Variants in ERGIC1 observed in about 807,000 individuals in gnomAD.
ERGIC1 encodes endoplasmic reticulum-golgi intermediate compartment 1.
ERGIC1 carries 19 observed loss-of-function variants against 38.3 expected under a neutral mutation model. That is an observed-to-expected ratio of 0.50 (90% CI 0.35 to 0.73). ERGIC1 has a LOEUF of 0.73. ERGIC1 is among the 30% of genes least tolerant of loss of function. ERGIC1 has a pLI of 0.01. For missense variants in ERGIC1, 294 were observed against 389.2 expected (o/e 0.76, Z 2.06); for synonymous variants, 124 against 157.6 (o/e 0.79, Z 1.60).
chr5:172,891,270 GTAGTTTA>G (rs1762551414), intron 2 of ERGIC1, among the ~76,000 whole-genome samples: 1 of 152,090 alleles, frequency 6.6e-6, no homozygotes, highest in African/African-American at 2.4e-5. Context: ...AAGAGCCTTG[GTAGTTTA>G]TGAACCTGAT....
At chr5:172,913,731 C>T (rs1453952420) in intron 4 of ERGIC1, among the ~76,000 whole-genome samples, 5 of 152,226 alleles carry the variant, frequency 3.3e-5, no homozygotes, top group Non-Finnish European at 5.9e-5. Context: ...ATGCAGTTGG[C>T]ATTGGCCTGC....
chr5:172,931,633 A>G (rs183275525), intron 7 of ERGIC1, among the ~76,000 whole-genome samples: 146 of 152,336 alleles, frequency 9.6e-4, no homozygotes, highest in African/African-American at 3.3e-3. Flanking sequence ...TATTCAGACA[A>G]TGTCAGAGGA....
intron 9 of ERGIC1, among the ~76,000 whole-genome samples, chr5:172,941,139 T>G (rs560617052): frequency 6.6e-6 from 1 of 152,078 alleles, no homozygotes; most frequent in African/African-American, 2.4e-5. Flanking sequence ...AATAGCCAGG[T>G]AGCACGCCTG....
At chr5:172,856,279 T>TA (rs1256330526) in intron 1 of ERGIC1, among the ~76,000 whole-genome samples, 1 of 152,204 alleles carries the variant, frequency 6.6e-6, no homozygotes, top group African/African-American at 2.4e-5. Flanking sequence ...ACTTGAAACT[T>TA]ACTCACAAGA....
At chr5:172,896,786 G>A (rs1305216160) in intron 2 of ERGIC1, among the ~76,000 whole-genome samples, 2 of 152,174 alleles carry the variant, frequency 1.3e-5, no homozygotes, top group Non-Finnish European at 2.9e-5. Context: ...TGCTCATGTC[G>A]GCAGGTTGAT....
intron 3 of ERGIC1, among the ~76,000 whole-genome samples, chr5:172,903,968 T>TACACAC (rs70984919): frequency 0.03 from 4,525 of 150,342 alleles, 72 homozygotes; most frequent in Non-Finnish European, 0.038. Context: ...GTCTCACACA[T>TACACAC]ACACACACAC....
At chr5:172,843,094 C>T (rs535195363) in intron 1 of ERGIC1, among the ~76,000 whole-genome samples, 3 of 152,188 alleles carry the variant, frequency 2.0e-5, no homozygotes, top group South Asian at 2.1e-4. Context: ...TGCAGTGAGC[C>T]GAGATTGTGC....
chr5:172,891,458 A>C (rs1762555820), intron 2 of ERGIC1, among the ~76,000 whole-genome samples: 1 of 146,828 alleles, frequency 6.8e-6, no homozygotes, highest in Non-Finnish European at 1.5e-5. Flanking sequence ...TTTTTTTTTG[A>C]GATGGAGTCT....
chr5:172,851,647 G>A (rs927890133), intron 1 of ERGIC1, among the ~76,000 whole-genome samples: 2 of 152,184 alleles, frequency 1.3e-5, no homozygotes, highest in African/African-American at 4.8e-5. Flanking sequence ...CAGGTTGCAG[G>A]CCTAGACAGG....
chr5:172,950,585 A>T, intron 9 of ERGIC1, 124 bp from the exon 10 acceptor site: 1 of 780,274 alleles, frequency 1.3e-6, no homozygotes. Flanking sequence ...AGTGGGTATT[A>T]TGGGCTTAAC....
chr5:172,913,773 C>G (rs570174374), intron 4 of ERGIC1, among the ~76,000 whole-genome samples: 39 of 152,258 alleles, frequency 2.6e-4, no homozygotes, highest in African/African-American at 9.1e-4. Context: ...CATCTGAGTC[C>G]CAGTGAGGTG....
intron 3 of ERGIC1, among the ~76,000 whole-genome samples, chr5:172,906,851 G>C (rs943750704): frequency 1.3e-5 from 2 of 152,132 alleles, no homozygotes; most frequent in African/African-American, 4.8e-5. Flanking sequence ...GGGCATTATC[G>C]GGGAATCAGA....
chr5:172,863,413 C>T (rs1213356268), intron 1 of ERGIC1, among the ~76,000 whole-genome samples: 1 of 152,152 alleles, frequency 6.6e-6, no homozygotes, highest in Non-Finnish European at 1.5e-5. Context: ...AATCTGGGTT[C>T]CACCTAAAAC....
intron 9 of ERGIC1, among the ~76,000 whole-genome samples, chr5:172,949,655 C>CAGCGTGGCG (rs748161981): frequency 1.4e-5 from 2 of 142,498 alleles, no homozygotes; most frequent in Non-Finnish European, 3.1e-5. Flanking sequence ...CACAGCGTGG[C>CAGCGTGGCG]GGGGGGGGGT....
At position 172,926,218 on chromosome 5, in the gene ERGIC1, G is replaced by A. The variant is rs1196203872; in HGVS notation, c.481-291G>A. 1.3e-5 allele frequency among the ~76,000 whole-genome samples: 2 copies of A among 152,180 alleles called. No homozygotes were observed. On this transcript the variant is annotated intron_variant, in intron 6 of 9. Transcript: ENST00000393784. The surrounding 1 kb of genome is among the most constrained non-coding windows in gnomAD (Gnocchi z 5.2). ...TTGGTGTCTTTCCAAGCCTTGATTTGCTCTTCTGTAAAATGGGCCCAATAA... is the reference window on the plus strand; with the variant it reads ...TTGGTGTCTTTCCAAGCCTTGATTTACTCTTCTGTAAAATGGGCCCAATAA...
chr5:172,905,501 C>G (rs1005861422), intron 3 of ERGIC1: 1 of 457,616 alleles, frequency 2.2e-6, no homozygotes, highest in Non-Finnish European at 4.5e-6. Flanking sequence ...TATTGGAAGC[C>G]GTGGGTCACG....
chr5:172,848,386 G>T (rs1423895200), intron 1 of ERGIC1, among the ~76,000 whole-genome samples: 1 of 152,174 alleles, frequency 6.6e-6, no homozygotes, highest in Non-Finnish European at 1.5e-5. Context: ...AGTTTATAGA[G>T]AAGGAGCTCA....
chr5:172,852,562 C>T (rs556383937), intron 1 of ERGIC1, among the ~76,000 whole-genome samples: 3 of 152,200 alleles, frequency 2.0e-5, no homozygotes, highest in Non-Finnish European at 4.4e-5. Flanking sequence ...GAGCAGAGAC[C>T]GGCTCAGCCT....
chr5:172,911,738 C>T (rs1763212780), intron 4 of ERGIC1, among the ~76,000 whole-genome samples: 1 of 152,208 alleles, frequency 6.6e-6, no homozygotes, highest in Non-Finnish European at 1.5e-5. Flanking sequence ...TGAGATCGTA[C>T]TGCATGTATG....
Sources: gnomAD v4.1 joint callset for allele counts (sites outside exome capture counted in the v4.1 genomes callset) on GRCh38, gnomAD v4.1.1 for gene constraint, Gnocchi (gnomAD v3.1) non-coding constraint, MANE v1.5 for transcripts, NCBI Gene and HGNC (gene_info 2026-07-23, HGNC 2026-07-21) for gene names.